The following ANK3 variants were observed in gnomAD, a reference collection of about 807,000 sequenced individuals.
ANK3 encodes the protein ankyrin 3.
ANK3 carries 57 observed loss-of-function variants against 370.9 expected under a neutral mutation model. The observed-to-expected ratio is 0.15, with a 90% CI of 0.12 to 0.19. The LOEUF is 0.19. ANK3 is among the 10% of genes least tolerant of loss of function. ANK3 has a pLI of 1.00. For synonymous variants in ANK3, 1,929 were observed against 1,946.3 expected, an observed-to-expected ratio of 0.99 and a Z score of 0.23; for missense variants, 4,439 against 5,302.1, an observed-to-expected ratio of 0.84 and a Z score of 5.06.
At position 60,190,462 on chromosome 10, in the gene ANK3, T is replaced by C. The variant is rs1406457557; in HGVS notation, c.1888-3550A>G. Among the ~76,000 whole-genome samples, 3 of 152,082 alleles carry C rather than the reference T, an allele frequency of 2.0e-5. No individual in the cohort carries two copies. The East Asian group carries it at 5.8e-4, about 29-fold the overall frequency. On this transcript the variant is annotated intron_variant, in intron 16 of 43. Transcript: ENST00000280772. The stretch of plus-strand genomic sequence containing the variant: ...AACCCCCAAACCAAAATACAAAAAA[T>C]AAAAGCAAAACAAAACAGACAAACT...
chr10:60,649,886 C>T (rs998126549), intron 1 of ANK3, among the ~76,000 whole-genome samples: 1 of 152,162 alleles, frequency 6.6e-6, no homozygotes, highest in South Asian at 2.1e-4. Context: ...GGACTTGTTT[C>T]AACCAATGAA....
chr10:60,384,156 AAAG>A (rs1487268919), intron 1 of ANK3, among the ~76,000 whole-genome samples: 3 of 152,184 alleles, frequency 2.0e-5, no homozygotes, highest in Non-Finnish European at 4.4e-5. Context: ...AGGGAAGAAA[AAAG>A]AATAACCCAT....
intron 1 of ANK3, among the ~76,000 whole-genome samples, chr10:60,689,264 T>G (rs1424156016): frequency 6.6e-6 from 1 of 152,096 alleles, no homozygotes; most frequent in East Asian, 1.9e-4. Context: ...CCAGATGTGG[T>G]GCCACGTGCC....
At chr10:60,298,994 T>C (rs1184261709) in intron 1 of ANK3, among the ~76,000 whole-genome samples, 2 of 152,172 alleles carry the variant, frequency 1.3e-5, no homozygotes, top group Non-Finnish European at 2.9e-5. Context: ...GATGGGTAAG[T>C]TGATTATTTT....
At chr10:60,633,622 C>T (rs2078513756) in intron 1 of ANK3, among the ~76,000 whole-genome samples, 1 of 152,008 alleles carries the variant, frequency 6.6e-6, no homozygotes, top group South Asian at 2.1e-4. Flanking sequence ...GCTGGCCAAT[C>T]CAATAAAATC....
chr10:60,284,327 C>T (rs989716837), intron 1 of ANK3, among the ~76,000 whole-genome samples: 3 of 152,094 alleles, frequency 2.0e-5, no homozygotes, highest in Non-Finnish European at 4.4e-5. Flanking sequence ...TTATTTTAAG[C>T]CACCCAGTTT....
chr10:60,268,653 T>A (rs2097916392), intron 5 of ANK3, among the ~76,000 whole-genome samples: 1 of 151,802 alleles, frequency 6.6e-6, no homozygotes, highest in African/African-American at 2.4e-5. Context: ...ATATCTAATA[T>A]TTCTATAATA....
chr10:60,396,714 AATT>A (rs1231626396), intron 2 of ANK3, among the ~76,000 whole-genome samples: 1 of 152,170 alleles, frequency 6.6e-6, no homozygotes, highest in East Asian at 1.9e-4. Flanking sequence ...TCTATATAGT[AATT>A]ATATTTAAGC....
At chr10:60,452,651 C>G (rs540976734) in intron 2 of ANK3, among the ~76,000 whole-genome samples, 2 of 152,224 alleles carry the variant, frequency 1.3e-5, no homozygotes, top group African/African-American at 4.8e-5. Context: ...TATAAAGATA[C>G]TCAGAAATTC....
intron 28 of ANK3, among the ~76,000 whole-genome samples, chr10:60,090,956 G>A (rs2088190674): frequency 6.6e-6 from 1 of 152,104 alleles, no homozygotes; most frequent in Non-Finnish European, 1.5e-5. Flanking sequence ...TCGCCCACGA[G>A]TGCAATGGCA....
At chr10:60,272,300 T>C (rs1405306652) in intron 4 of ANK3, among the ~76,000 whole-genome samples, 2 of 151,872 alleles carry the variant, frequency 1.3e-5, no homozygotes, top group Non-Finnish European at 2.9e-5. Context: ...AAATATTCTT[T>C]AAGCAACAAA....
intron 18 of ANK3, among the ~76,000 whole-genome samples, chr10:60,175,435 T>A (rs1034794736): frequency 6.6e-6 from 1 of 152,160 alleles, no homozygotes; most frequent in Non-Finnish European, 1.5e-5. Flanking sequence ...AGACTCCCTA[T>A]TTTTTTCTTG....
intron 2 of ANK3, among the ~76,000 whole-genome samples, chr10:60,472,129 G>A (rs1197495983): frequency 1.3e-5 from 2 of 151,978 alleles, no homozygotes; most frequent in Non-Finnish European, 2.9e-5. Flanking sequence ...AGTAAGACTT[G>A]GAAATAAAGA....
chr10:60,649,507 G>A (rs752403274), intron 1 of ANK3, among the ~76,000 whole-genome samples: 3 of 152,052 alleles, frequency 2.0e-5, no homozygotes, highest in African/African-American at 4.8e-5. Context: ...AGCAAAGTCA[G>A]TGAATTGCTT....
intron 2 of ANK3, among the ~76,000 whole-genome samples, chr10:60,485,787 G>A (rs1283275531): frequency 1.3e-5 from 2 of 152,184 alleles, no homozygotes; most frequent in African/African-American, 2.4e-5. Context: ...ACATAGGATG[G>A]CTTGGAAAAT....
chr10:60,317,161 C>A (rs917724086), intron 1 of ANK3, among the ~76,000 whole-genome samples: 1 of 151,740 alleles, frequency 6.6e-6, no homozygotes, highest in Non-Finnish European at 1.5e-5. Context: ...ACTTTGTATA[C>A]TCAGAGTCCT....
At chr10:60,261,491 C>T (rs542973762) in intron 7 of ANK3, among the ~76,000 whole-genome samples, 91 of 152,300 alleles carry the variant, frequency 6.0e-4, no homozygotes, top group African/African-American at 2.2e-3. Context: ...ATTGTAAGGT[C>T]AAGACCCTGA....
chr10:60,398,541 T>G (rs897058407), intron 2 of ANK3, among the ~76,000 whole-genome samples: 3 of 152,180 alleles, frequency 2.0e-5, no homozygotes, highest in African/African-American at 7.2e-5. Flanking sequence ...CCATGAAAAT[T>G]TGTCCTCTGG....
At position 60,067,233 on chromosome 10, in the gene ANK3, T is replaced by G. The variant is rs186589281; in HGVS notation, c.12319+702A>C. On this transcript the variant is annotated intron_variant, in intron 38 of 43. Coordinates refer to ENST00000280772, the MANE Select transcript of ANK3 (RefSeq NM_020987.5). ...TTCAACTTTTGTGAATTAAATATATTTATTTACATGTTTATCATATTTTAA... is the reference window on the plus strand; with the variant it reads ...TTCAACTTTTGTGAATTAAATATATGTATTTACATGTTTATCATATTTTAA... 2.6e-5 allele frequency among the ~76,000 whole-genome samples: 4 copies of G among 152,338 alleles called. No individual in the cohort carries two copies. The East Asian group carries it at 7.7e-4, about 29-fold the overall frequency.
Sources: gnomAD v4.1 joint callset for allele counts (sites outside exome capture counted in the v4.1 genomes callset) on GRCh38, gnomAD v4.1.1 for gene constraint, MANE v1.5 for transcripts, NCBI Gene and HGNC (gene_info 2026-07-23, HGNC 2026-07-21) for gene names.